ROBO2: variants seen among roughly 807,000 people sequenced by gnomAD.
ROBO2 encodes roundabout guidance receptor 2, also known as roundabout homolog 2.
ROBO2 carries 53 observed loss-of-function variants against 160.8 expected under a neutral mutation model. That is an observed-to-expected ratio of 0.33 (90% CI 0.26 to 0.41). The LOEUF is 0.41. ROBO2 is among the 10% of genes least tolerant of loss of function. The pLI, the probability that ROBO2 is intolerant of heterozygous loss-of-function variation, is 1.00. For synonymous variants in ROBO2, 664 were observed against 611.7 expected, an observed-to-expected ratio of 1.09 and a Z score of -1.26; for missense variants, 1,577 against 1,722.4, an observed-to-expected ratio of 0.92 and a Z score of 1.49.
intron 2 of ROBO2, among the ~76,000 whole-genome samples, chr3:76,791,784 C>T (rs1290297205): frequency 6.6e-6 from 1 of 151,740 alleles, no homozygotes; most frequent in Non-Finnish European, 1.5e-5. Flanking sequence ...TCTGCATCCA[C>T]AGATTCAACC....
chr3:76,535,006 C>G (rs552541115), intron 2 of ROBO2, among the ~76,000 whole-genome samples: 6 of 152,026 alleles, frequency 3.9e-5, no homozygotes, highest in Admixed American at 2.0e-4. Context: ...TGTGGGCTTT[C>G]CCTGAAACCT....
At chr3:76,706,954 G>A (rs1317770197) in intron 2 of ROBO2, among the ~76,000 whole-genome samples, 1 of 151,984 alleles carries the variant, frequency 6.6e-6, no homozygotes, top group Non-Finnish European at 1.5e-5. Flanking sequence ...AATAGAGGAT[G>A]AAGCCTAAAT....
intron 2 of ROBO2, among the ~76,000 whole-genome samples, chr3:76,580,342 G>GTTTTTTTTTTTTTTTTTTTTTTGT (rs71101901): frequency 6.6e-5 from 6 of 90,562 alleles, no homozygotes; most frequent in East Asian, 3.3e-4. Flanking sequence ...TTTTTTTTGT[G>GTTTTTTTTTTTTTTTTTTTTTTGT]TTTTTTTTTT....
At chr3:77,210,019 A>C (rs2083917937) in intron 2 of ROBO2, among the ~76,000 whole-genome samples, 1 of 152,180 alleles carries the variant, frequency 6.6e-6, no homozygotes, top group South Asian at 2.1e-4. Context: ...TGTTTCCAAG[A>C]ATCTTTACAT....
chr3:76,684,719 G>A (rs947701932), intron 2 of ROBO2, among the ~76,000 whole-genome samples: 2 of 152,098 alleles, frequency 1.3e-5, no homozygotes, highest in African/African-American at 2.4e-5. Flanking sequence ...ATAAAAACAT[G>A]TTTTCTTAAG....
chr3:76,805,871 C>T (rs2064665477), intron 2 of ROBO2, among the ~76,000 whole-genome samples: 2 of 151,918 alleles, frequency 1.3e-5, no homozygotes, highest in African/African-American at 4.8e-5. Context: ...TTCCTTTTAA[C>T]AGACCAGAGA....
intron 2 of ROBO2, among the ~76,000 whole-genome samples, chr3:76,421,609 C>G (rs1269635915): frequency 1.3e-5 from 2 of 151,268 alleles, no homozygotes; most frequent in African/African-American, 4.9e-5. Flanking sequence ...GCCTGTAATC[C>G]CAGCTACTGA....
intron 1 of ROBO2, among the ~76,000 whole-genome samples, chr3:77,048,968 A>G (rs905700001): frequency 6.6e-6 from 1 of 152,094 alleles, no homozygotes; most frequent in Non-Finnish European, 1.5e-5. Flanking sequence ...CTTAGGTTTT[A>G]TTATCCCAAG....
intron 2 of ROBO2, among the ~76,000 whole-genome samples, chr3:76,273,271 G>C (rs888991934): frequency 2.0e-5 from 3 of 149,538 alleles, no homozygotes; most frequent in Non-Finnish European, 4.4e-5. Context: ...CACAGATGTA[G>C]CAATGATGAA....
intron 2 of ROBO2, among the ~76,000 whole-genome samples, chr3:76,700,179 A>G (rs1174989438): frequency 6.6e-6 from 1 of 151,834 alleles, no homozygotes; most frequent in African/African-American, 2.4e-5. Context: ...TTCTCTTCTT[A>G]TTCTTTCTGT....
intron 2 of ROBO2, among the ~76,000 whole-genome samples, chr3:76,362,990 C>T (rs1373980291): frequency 2.0e-5 from 3 of 152,036 alleles, no homozygotes; most frequent in East Asian, 1.9e-4. Context: ...TCCTTTATTT[C>T]GATGTTTCTT....
intron 2 of ROBO2, among the ~76,000 whole-genome samples, chr3:76,354,994 A>G (rs1187021898): frequency 6.6e-6 from 1 of 151,498 alleles, no homozygotes; most frequent in Non-Finnish European, 1.5e-5. Flanking sequence ...AGTTCCATGC[A>G]TATATCTGGA....
intron 2 of ROBO2, among the ~76,000 whole-genome samples, chr3:77,416,493 T>G (rs971352353): frequency 6.6e-6 from 1 of 151,516 alleles, no homozygotes. Flanking sequence ...CTGAAGCGGG[T>G]GGATCACAGG....
At chr3:76,492,126 C>CA (rs368448650) in intron 2 of ROBO2, among the ~76,000 whole-genome samples, 2,235 of 149,476 alleles carry the variant, frequency 0.015, 64 homozygotes, top group African/African-American at 0.051. Flanking sequence ...CAAAAACGAA[C>CA]AAAAAAAAAC....
intron 2 of ROBO2, among the ~76,000 whole-genome samples, chr3:76,158,569 G>T (rs1252610735): frequency 6.6e-6 from 1 of 151,802 alleles, no homozygotes. Context: ...GATTTATTTT[G>T]TATACATACT....
intron 2 of ROBO2, among the ~76,000 whole-genome samples, chr3:76,594,960 T>A (rs1395144864): frequency 6.6e-6 from 1 of 151,946 alleles, no homozygotes. Flanking sequence ...CCCATTGTTA[T>A]GGTATTTGGA....
chr3:75,987,514 T>C (rs1470732325), intron 2 of ROBO2, among the ~76,000 whole-genome samples: 2 of 151,944 alleles, frequency 1.3e-5, no homozygotes, highest in Non-Finnish European at 2.9e-5. Context: ...TAATTGTACT[T>C]CTTCCTTTCC....
At chr3:76,360,135 C>T (rs887591362) in intron 2 of ROBO2, among the ~76,000 whole-genome samples, 5 of 152,024 alleles carry the variant, frequency 3.3e-5, no homozygotes, top group African/African-American at 1.2e-4. Context: ...AACTACTTTG[C>T]TCCCTGATGA....
intron 5 of ROBO2, among the ~76,000 whole-genome samples, chr3:77,511,099 G>A (rs1366257933): frequency 6.6e-6 from 1 of 151,946 alleles, no homozygotes; most frequent in East Asian, 1.9e-4. Flanking sequence ...CATTTCAGAG[G>A]AAATGAAATA....
Sources: gnomAD v4.1 joint callset for allele counts (sites outside exome capture counted in the v4.1 genomes callset) on GRCh38, gnomAD v4.1.1 for gene constraint, MANE v1.5 for transcripts, NCBI Gene and HGNC (gene_info 2026-07-23, HGNC 2026-07-21) for gene names.